SFMBT2: variants seen among roughly 807,000 people sequenced by gnomAD.
SFMBT2 encodes the protein Scm like with four mbt domains 2, also known as scm-like with four MBT domains protein 2.
A neutral mutation model predicts 110.1 loss-of-function variants in SFMBT2; 38 were observed. The ratio of observed to expected loss-of-function variants is 0.35; its 90% CI spans 0.27 to 0.45. The LOEUF is 0.45. SFMBT2 is among the 20% of genes least tolerant of loss of function. SFMBT2 has a pLI of 1.00. For synonymous variants in SFMBT2, 425 were observed against 425.4 expected, an observed-to-expected ratio of 1.00 and a Z score of 0.01; for missense variants, 1,011 against 1,094.9, an observed-to-expected ratio of 0.92 and a Z score of 1.08.
intron 4 of SFMBT2, among the ~76,000 whole-genome samples, chr10:7,325,348 T>A (rs976541539): frequency 2.0e-5 from 3 of 152,144 alleles, no homozygotes; most frequent in Non-Finnish European, 4.4e-5. Context: ...GTTCAGGCCA[T>A]AACCAATATT....
intron 3 of SFMBT2, among the ~76,000 whole-genome samples, chr10:7,370,026 A>T (rs1845018514): frequency 6.6e-6 from 1 of 152,034 alleles, no homozygotes; most frequent in African/African-American, 2.4e-5. Context: ...ACACCCAGCT[A>T]ATTTTTATAT....
intron 5 of SFMBT2, chr10:7,284,873 A>G (rs1000348774): frequency 4.6e-5 from 7 of 152,286 alleles, no homozygotes. Context: ...TAGAAAATTA[A>G]CATAGTGAGA....
At chr10:7,350,108 G>A (rs1844262913) in intron 4 of SFMBT2, among the ~76,000 whole-genome samples, 1 of 152,056 alleles carries the variant, frequency 6.6e-6, no homozygotes, top group Non-Finnish European at 1.5e-5. Flanking sequence ...TCGTGTTCGT[G>A]GCTAGGTCAT....
Position 7,372,626 on chromosome 10 carries a change from G to C in SFMBT2, c.101-2251C>G, listed in dbSNP as rs79990043. ...CACAGACACAGCGAAGTGAACTAGA[G>C]AGAAAGCAGCCGTCTCCTGGAAAAC... On this transcript the variant is annotated intron_variant, in intron 2 of 20. Transcript: ENST00000397167. Among the ~76,000 whole-genome samples, 1,099 of 152,310 alleles carry C rather than the reference G, an allele frequency of 7.2e-3. 8 individuals are homozygous for C. The highest frequency in any genetic ancestry group is 0.044 in the Middle Eastern group (13 of 294).
intron 7 of SFMBT2, among the ~76,000 whole-genome samples, chr10:7,273,694 C>T (rs1001350235): frequency 3.3e-5 from 5 of 152,274 alleles, no homozygotes; most frequent in African/African-American, 1.2e-4. Context: ...TCAATTCCCA[C>T]CTATGAGTGA....
chr10:7,226,932 CACA>C (rs1839914019), intron 10 of SFMBT2, among the ~76,000 whole-genome samples: 1 of 152,142 alleles, frequency 6.6e-6, no homozygotes, highest in Admixed American at 6.5e-5. Context: ...ATGACATTCA[CACA>C]ACAATGAAGC....
At chr10:7,309,270 G>GTCACT (rs1842782650) in intron 4 of SFMBT2, among the ~76,000 whole-genome samples, 1 of 152,218 alleles carries the variant, frequency 6.6e-6, no homozygotes, top group Non-Finnish European at 1.5e-5. Flanking sequence ...CTTTGTCACT[G>GTCACT]TTATGAAGCG....
At chr10:7,398,647 T>C (rs543576070) in intron 1 of SFMBT2, among the ~76,000 whole-genome samples, 1 of 152,212 alleles carries the variant, frequency 6.6e-6, no homozygotes, top group South Asian at 2.1e-4. Context: ...ATGCAGCAGT[T>C]TTAGAATTAG....
chr10:7,178,150 AC>A (rs899545760), intron 16 of SFMBT2, among the ~76,000 whole-genome samples: 1 of 151,410 alleles, frequency 6.6e-6, no homozygotes, highest in African/African-American at 2.4e-5. Context: ...AAGAATGGGG[AC>A]CCCCGGACTG....
chr10:7,380,177 T>C (rs993243921), intron 2 of SFMBT2, among the ~76,000 whole-genome samples: 1 of 152,198 alleles, frequency 6.6e-6, no homozygotes, highest in African/African-American at 2.4e-5. Flanking sequence ...TAAAGTAGAA[T>C]AATTAGGATG....
At chr10:7,220,350 G>A (rs1315348220) in intron 11 of SFMBT2, 61 bp downstream of exon 11, 9 of 1,479,070 alleles carry the variant, frequency 6.1e-6, no homozygotes, top group Admixed American at 1.8e-5. Flanking sequence ...TCCTCCACAC[G>A]TTGCCATTTC....
chr10:7,200,885 T>G (rs972307349), intron 13 of SFMBT2: 4 of 468,370 alleles, frequency 8.5e-6, no homozygotes, highest in Non-Finnish European at 1.1e-5. Flanking sequence ...AAAACCACTT[T>G]CCACTAACCT....
chr10:7,335,582 A>AACACACACACACAC (rs3065781), intron 4 of SFMBT2, among the ~76,000 whole-genome samples: 187 of 142,988 alleles, frequency 1.3e-3, no homozygotes, highest in South Asian at 1.9e-3. Flanking sequence ...CAGAAACAGA[A>AACACACACACACAC]ACACACACAC....
rs1249037803 is a variant in SFMBT2 at position 7,172,017 on chromosome 10, T to A, written c.2293A>T (p.Ser765Cys). 1 of 1,579,940 alleles carries A rather than the reference T, an allele frequency of 6.3e-7. No individual in the cohort carries two copies. The highest frequency in any genetic ancestry group is 8.6e-7 in the Non-Finnish European group (1 of 1,165,140). Residue 765 changes from serine to cysteine, a missense_variant, in exon 19 of 21, where the codon AGC becomes TGC. Transcript: ENST00000397167. The surrounding 1 kb of genome is among the most constrained non-coding windows in gnomAD (Gnocchi z 4.6). The part of the protein sequence containing the change: ...ARPRRAVTLR[S>C]GSEPVRRPPP... ...GGCCGGCGCACGGGCTCTGAGCCGC[T>A]CCGCAGGGTGACGGCCCTCCGGGGC...
chr10:7,339,163 C>A (rs574977885), intron 4 of SFMBT2, among the ~76,000 whole-genome samples: 2 of 152,232 alleles, frequency 1.3e-5, no homozygotes, highest in African/African-American at 4.8e-5. Context: ...TCACTTGAAC[C>A]CGGGAGGCGG....
chr10:7,210,681 C>T (rs1839316271), intron 11 of SFMBT2, among the ~76,000 whole-genome samples: 1 of 152,234 alleles, frequency 6.6e-6, no homozygotes, highest in Admixed American at 6.5e-5. Flanking sequence ...GGTGTGAGTG[C>T]CCGCAAGCAA....
chr10:7,241,757 A>C (rs903527769), intron 9 of SFMBT2, among the ~76,000 whole-genome samples: 2 of 152,198 alleles, frequency 1.3e-5, no homozygotes, highest in Non-Finnish European at 2.9e-5. Context: ...AAGCTATGTC[A>C]ATGATCTTTT....
intron 11 of SFMBT2, among the ~76,000 whole-genome samples, chr10:7,210,922 G>C (rs936262220): frequency 6.6e-6 from 1 of 152,158 alleles, no homozygotes; most frequent in Admixed American, 6.5e-5. Context: ...GAGTATGGGG[G>C]GGGTGTGGGG....
intron 4 of SFMBT2, among the ~76,000 whole-genome samples, chr10:7,308,355 A>G (rs757144429): frequency 3.5e-4 from 53 of 151,816 alleles, no homozygotes; most frequent in Non-Finnish European, 6.5e-4. Context: ...GAGAGACCCC[A>G]TCTCAAAAAA....
Sources: allele counts gnomAD v4.1 joint callset (sites outside exome capture counted in the v4.1 genomes callset), GRCh38; gene constraint gnomAD v4.1.1; non-coding constraint Gnocchi (gnomAD v3.1); transcripts MANE v1.5; gene names NCBI Gene and HGNC (gene_info 2026-07-23, HGNC 2026-07-21).